ACAD9: variants seen among roughly 807,000 people sequenced by gnomAD.
ACAD9 encodes complex I assembly factor ACAD9, mitochondrial.
In ACAD9, 53 loss-of-function variants were observed where a neutral mutation model predicts 70.2. The observed-to-expected ratio is 0.75, with a 90% CI of 0.61 to 0.95. The LOEUF (loss-of-function observed/expected upper bound fraction) is 0.95. Ranked by LOEUF, ACAD9 falls within the 40% of genes least tolerant of loss-of-function variation. The pLI is 0.00. For missense variants in ACAD9, 777 were observed against 802.8 expected, an observed-to-expected ratio of 0.97 and a Z score of 0.39; for synonymous variants, 313 against 312.1, an observed-to-expected ratio of 1.00 and a Z score of -0.03.
intron 4 of ACAD9, among the ~76,000 whole-genome samples, chr3:128,896,190 T>C (rs1379066929): frequency 4.6e-5 from 7 of 152,196 alleles, no homozygotes; most frequent in Non-Finnish European, 1.0e-4. Context: ...GGAACTGATA[T>C]GAAAGTTTTG....
intron 1 of ACAD9, among the ~76,000 whole-genome samples, chr3:128,883,799 C>T (rs1400178579): frequency 2.0e-5 from 3 of 152,062 alleles, no homozygotes; most frequent in Non-Finnish European, 2.9e-5. Flanking sequence ...GAAAGCAGTG[C>T]GAGCATATTG....
At chr3:128,900,210 G>A (rs1212149836) in intron 7 of ACAD9, among the ~76,000 whole-genome samples, 1 of 151,960 alleles carries the variant, frequency 6.6e-6, no homozygotes, top group Non-Finnish European at 1.5e-5. Context: ...AGGATTACAC[G>A]TGTGAGTTAC....
At chr3:128,896,287 TG>T in intron 4 of ACAD9, 148 bp from the exon 5 acceptor site, 2 of 865,514 alleles carry the variant, frequency 2.3e-6, no homozygotes, top group Non-Finnish European at 3.8e-6. Context: ...CTTGGCTCCC[TG>T]GGCTCTGCCT....
Position 128,904,447 on chromosome 3 carries a change from C to T in ACAD9, c.1091C>T (p.Ala364Val). 2 of 1,614,232 alleles carry T rather than the reference C, an allele frequency of 1.2e-6. No homozygotes were observed. Among genetic ancestry groups the T allele is most frequent in the Non-Finnish European group, 1.7e-6 (2 of 1,180,044 alleles). The part of the protein sequence containing the change: ...YVMESMTYLT[A>V]GMLDQPGFPD... Reference sequence around the variant, plus strand: ...ATGGAGAGTATGACCTACCTCACAGCAGGGATGCTGGACCAACCTGGCTTT... The same window carrying T: ...ATGGAGAGTATGACCTACCTCACAGTAGGGATGCTGGACCAACCTGGCTTT... Residue 364 changes from alanine (A) to valine (V), a missense_variant, in exon 11 of 18, where the codon GCA (alanine) becomes GTA (valine). Physicochemically the swap from Ala to Val is moderately conservative, Grantham distance 64. Coordinates refer to ENST00000308982, the MANE Select transcript of ACAD9 (RefSeq NM_014049.5).
At chr3:128,904,623 T>C (rs1411974194) in intron 11 of ACAD9, 118 bp downstream of exon 11, 1 of 1,495,404 alleles carries the variant, frequency 6.7e-7, no homozygotes, top group African/African-American at 1.4e-5. Context: ...TGATCCAGTA[T>C]TTATGATGCA....
intron 2 of ACAD9, among the ~76,000 whole-genome samples, chr3:128,889,055 CTA>C (rs1935335039): frequency 1.3e-5 from 2 of 151,172 alleles, no homozygotes. Context: ...TGTATCTTTT[CTA>C]TGTTTAGCTG....
chr3:128,895,353 GATC>G lies in ACAD9; in HGVS notation c.395_397del (p.Ile132del), dbSNP rs1466212065. The G allele has an allele frequency of 1.2e-6, 2 of 1,613,100 alleles. No individual in the cohort carries two copies. The highest frequency in any genetic ancestry group is 1.7e-5 in the Admixed American group (1 of 59,920). Reference sequence around the variant, plus strand: ...ACACCATGTACTCAAGACTAGGGGAGATCATCAGCATGGATGGGTCCATCACTG... The same window carrying G: ...ACACCATGTACTCAAGACTAGGGGAGATCAGCATGGATGGGTCCATCACTG... On this transcript the variant is annotated inframe_deletion, in exon 4 of 18. Coordinates refer to ENST00000308982, the MANE Select transcript of ACAD9 (RefSeq NM_014049.5).
In ACAD9 at chr3:128,902,633, G is replaced by A. The variant is rs2107656513; in HGVS notation, c.958+5G>A. The A allele has an allele frequency of 6.2e-7, 1 of 1,614,088 alleles. No individual in the cohort carries two copies. Among genetic ancestry groups the A allele is most frequent in the Non-Finnish European group, 8.5e-7 (1 of 1,179,960 alleles). ...GGCTGCTCAAGAGATTGATTGGTAG[G>A]TAAGTTAGGGACAAGGCCCTTTGTG... On this transcript the variant is annotated splice_donor_5th_base_variant and intron_variant, in intron 9 of 17. Coordinates refer to ENST00000308982, the MANE Select transcript of ACAD9 (RefSeq NM_014049.5). This position sits in a 1 kb window ranked among gnomAD's most constrained non-coding sequence, Gnocchi z 4.0.
intron 7 of ACAD9, 73 bp from the exon 8 acceptor site, chr3:128,901,203 A>G (rs779240500): frequency 4.7e-5 from 62 of 1,310,334 alleles, no homozygotes; most frequent in South Asian, 1.5e-4. Flanking sequence ...TGGATGGATG[A>G]ATTGCCTGCT....
intron 2 of ACAD9, among the ~76,000 whole-genome samples, chr3:128,889,171 A>G (rs1404917088): frequency 6.6e-6 from 1 of 151,610 alleles, no homozygotes; most frequent in Non-Finnish European, 1.5e-5. Context: ...TTCCTTAAAA[A>G]AAAAAAAACA....
At chr3:128,887,644 A>ATATAT (rs1935291126) in intron 2 of ACAD9, among the ~76,000 whole-genome samples, 9 of 133,106 alleles carry the variant, frequency 6.8e-5, no homozygotes, top group East Asian at 2.1e-4. Context: ...AAAATAAATA[A>ATATAT]ATATATATAT....
Position 128,883,153 on chromosome 3 carries a change from A to G in ACAD9, c.151-1500A>G, listed in dbSNP as rs577521607. ...GCCCACCCTGGAGTGCAGTGGTGCA[A>G]TCACAGCTCACTGCAGCCTCAACCT... On this transcript the variant is annotated intron_variant, in intron 1 of 17. Transcript: ENST00000308982. Among the ~76,000 whole-genome samples the G allele has an allele frequency of 2.0e-5, 3 of 151,166 alleles. No individual in the cohort carries two copies. The East Asian group carries it at 5.8e-4, about 29-fold the overall frequency.
intron 2 of ACAD9, among the ~76,000 whole-genome samples, chr3:128,891,003 G>A (rs569815825): frequency 7.0e-4 from 106 of 151,910 alleles, no homozygotes; most frequent in African/African-American, 2.4e-3. Flanking sequence ...CACTATGCCC[G>A]GCTAATTTTT....
At position 128,888,099 on chromosome 3, in the gene ACAD9, T is replaced by C. The variant is rs143464976; in HGVS notation, c.244+3353T>C. 4.6e-5 allele frequency among the ~76,000 whole-genome samples: 7 copies of C among 152,310 alleles called. No individual in the cohort carries two copies. The South Asian group carries it at 1.2e-3, about 27-fold the overall frequency. ...CTGTTTTACTGCTTTGAGTGACTTA[T>C]ATGCAAACCTAAGACTTTTTTCTGA... On this transcript the variant is annotated intron_variant, in intron 2 of 17. Coordinates refer to ENST00000308982, the MANE Select transcript of ACAD9 (RefSeq NM_014049.5).
At chr3:128,910,607 G>A in intron 16 of ACAD9, 134 bp from the exon 17 acceptor site, 2 of 972,782 alleles carry the variant, frequency 2.1e-6, no homozygotes, top group Non-Finnish European at 1.7e-6. Context: ...TAGAACCCAA[G>A]ACGGGGTGAC....
chr3:128,896,290 G>C, intron 4 of ACAD9, 146 bp from the exon 5 acceptor site: 1 of 882,832 alleles, frequency 1.1e-6, no homozygotes, highest in South Asian at 1.4e-5. Context: ...GGCTCCCTGG[G>C]CTCTGCCTGT....
chr3:128,893,183 T>C (rs966401608), intron 2 of ACAD9, among the ~76,000 whole-genome samples: 1 of 147,090 alleles, frequency 6.8e-6, no homozygotes, highest in African/African-American at 2.5e-5. Flanking sequence ...TCGTCTCTAC[T>C]GAAAAAAAAA....
In ACAD9 at chr3:128,908,726, G is replaced by A. The variant is rs1935990640; in HGVS notation, c.1359-247G>A. ...CTAGTAGCATTTTGTCTCCTTCACAGGAGACAGCTGCTGGGAAGCTGGCTG... is the reference window on the plus strand; with the variant it reads ...CTAGTAGCATTTTGTCTCCTTCACAAGAGACAGCTGCTGGGAAGCTGGCTG... On this transcript the variant is annotated intron_variant, in intron 13 of 17. Transcript: ENST00000308982. The A allele has an allele frequency of 1.2e-5, 7 of 596,988 alleles. 2 individuals carry two copies. The South Asian group carries it at 1.4e-4, about 12-fold the overall frequency. The allele number at this position is 596,988 out of a possible 1,614,324, so 37.0% of individuals were successfully genotyped here.
In ACAD9 at chr3:128,912,734, T is replaced by C. The variant is rs1475845933; in HGVS notation, c.*127T>C. ...AAGCCTTTTGTTCCCCGTCTGCACC[T>C]GAAGGGTTGTCGCCTGGCCTGGGAG... On this transcript the variant is annotated 3_prime_UTR_variant, in exon 18 of 18. Coordinates refer to ENST00000308982, the MANE Select transcript of ACAD9 (RefSeq NM_014049.5). 4.4e-6 allele frequency: 4 copies of C among 919,000 alleles called. No individual in the cohort carries two copies. The highest frequency in any genetic ancestry group is 7.2e-6 in the Non-Finnish European group (4 of 558,900). 56.9% of individuals were successfully genotyped at this position (919,000 alleles called of 1,614,324 possible).
Sources: gnomAD v4.1 joint callset for allele counts (sites outside exome capture counted in the v4.1 genomes callset) on GRCh38, gnomAD v4.1.1 for gene constraint, Gnocchi (gnomAD v3.1) non-coding constraint, MANE v1.5 for transcripts, NCBI Gene and HGNC (gene_info 2026-07-23, HGNC 2026-07-21) for gene names.